The following CD44 variants were observed in gnomAD, a reference collection of about 807,000 sequenced individuals.
CD44 encodes CD44 molecule (IN blood group).
Under a neutral mutation model 88.8 loss-of-function variants are expected in CD44, and 49 were observed. The observed-to-expected ratio is 0.55, with a 90% CI of 0.44 to 0.70. CD44 has a LOEUF of 0.70. Ranked by LOEUF, CD44 falls within the 30% of genes least tolerant of loss-of-function variation. The probability of loss-of-function intolerance (pLI) is 0.00; values close to 1 mark genes in which losing one functional copy is unlikely to be tolerated. For missense variants in CD44, 883 were observed against 913.8 expected (o/e 0.97, Z 0.43); for synonymous variants, 325 against 312.3 (o/e 1.04, Z -0.43).
intron 16 of CD44, among the ~76,000 whole-genome samples, chr11:35,221,120 T>C (rs912751107): frequency 1.3e-5 from 2 of 152,360 alleles, no homozygotes; most frequent in African/African-American, 4.8e-5. Context: ...ACACGGTGTT[T>C]AGCAAACATT....
At chr11:35,181,945 A>T (rs867079220) in intron 3 of CD44, among the ~76,000 whole-genome samples, 39 of 76,974 alleles carry the variant, frequency 5.1e-4, no homozygotes, top group African/African-American at 1.2e-3. Flanking sequence ...AATTATATAT[A>T]ATATATATAA....
intron 1 of CD44, among the ~76,000 whole-genome samples, chr11:35,160,995 A>G (rs11033012): frequency 0.068 from 10,356 of 152,204 alleles, 404 homozygotes; most frequent in African/African-American, 0.11. Context: ...GAGCCCATGT[A>G]TTGGATAATT....
At chr11:35,223,015 A>C in intron 17 of CD44, 3 of 985,408 alleles carry the variant, frequency 3.0e-6, no homozygotes, top group Non-Finnish European at 3.6e-6. Context: ...AGAAAATCAA[A>C]TGATGCTGTT....
intron 13 of CD44, chr11:35,210,465 T>C (rs1200902786): frequency 6.6e-6 from 1 of 152,560 alleles, no homozygotes; most frequent in African/African-American, 2.4e-5. Flanking sequence ...TGTTGTATCT[T>C]TGTTCTTATT....
chr11:35,191,060 A>G lies in CD44; in HGVS notation c.667+995A>G, dbSNP rs1021402026. On this transcript the variant is annotated intron_variant, in intron 5 of 17. Transcript: ENST00000428726. ...CCTGTGGAGGATTAATCAAACTCAA[A>G]TAGGGCATCTGCCTCTGGAGCGGTT... 2.0e-5 allele frequency among the ~76,000 whole-genome samples: 3 copies of G among 152,320 alleles called. 1 individual carries two copies. Among genetic ancestry groups the G allele is most frequent in the South Asian group, 4.1e-4 (2 of 4,828 alleles).
At chr11:35,185,312 C>T (rs1193791927) in intron 3 of CD44, among the ~76,000 whole-genome samples, 1 of 152,118 alleles carries the variant, frequency 6.6e-6, no homozygotes, top group Non-Finnish European at 1.5e-5. Context: ...TTTCCTAAAA[C>T]TTTCTGTTTT....
At position 35,186,405 on chromosome 11, in the gene CD44, C is replaced by T. The variant is rs192450355; in HGVS notation, c.368-427C>T. On this transcript the variant is annotated intron_variant, in intron 3 of 17. Coordinates refer to ENST00000428726, the MANE Select transcript of CD44 (RefSeq NM_000610.4). ...CTTCCCAGATTATAAATGATTTTCT[C>T]ATGATAGTTCATACTTTACTTTTAA... is the stretch of plus-strand genomic sequence containing the variant. Among the ~76,000 whole-genome samples the T allele has an allele frequency of 4.1e-4, 63 of 152,272 alleles. 1 individual carries two copies. In the East Asian group the frequency reaches 8.5e-3, roughly 20 times the overall value.
intron 15 of CD44, among the ~76,000 whole-genome samples, chr11:35,215,762 C>T (rs1948782097): frequency 6.6e-6 from 1 of 151,780 alleles, no homozygotes; most frequent in Admixed American, 6.6e-5. Flanking sequence ...ATCCCAGCTA[C>T]TCAGGAGGCT....
chr11:35,214,757 T>C (rs1948683412), intron 14 of CD44, 95 bp from the exon 15 acceptor site: 1 of 623,362 alleles, frequency 1.6e-6, no homozygotes, highest in African/African-American at 1.9e-5. Flanking sequence ...GACTAAACTT[T>C]GTGATAGGCT....
chr11:35,199,178 A>G (rs146469173), intron 7 of CD44, among the ~76,000 whole-genome samples: 110 of 152,340 alleles, frequency 7.2e-4, no homozygotes, highest in African/African-American at 2.4e-3. Context: ...TTAGCAAGAC[A>G]TTGCCACTTA....
At chr11:35,206,500 G>T (rs1253488221) in intron 11 of CD44, among the ~76,000 whole-genome samples, 1 of 152,086 alleles carries the variant, frequency 6.6e-6, no homozygotes, top group Non-Finnish European at 1.5e-5. Flanking sequence ...TCTGTGTGAG[G>T]CAGTAAGTAA....
intron 5 of CD44, among the ~76,000 whole-genome samples, chr11:35,192,889 C>T (rs1461812021): frequency 6.6e-6 from 1 of 151,342 alleles, no homozygotes; most frequent in African/African-American, 2.4e-5. Context: ...ATTTTTCCCC[C>T]TCATACCACT....
chr11:35,151,868 C>T (rs566837473), intron 1 of CD44, among the ~76,000 whole-genome samples: 200 of 152,338 alleles, frequency 1.3e-3, no homozygotes, highest in Middle Eastern at 3.4e-3. Flanking sequence ...CCCATTCTGT[C>T]TTCCCATTTA....
rs535373470 is a variant in CD44 at position 35,167,434 on chromosome 11, A to G, written c.68-9141A>G. ...AAAATAGATAATCCAATTAACAATA[A>G]TGCTTTAAAACAACAAAACCTTGTC... On this transcript the variant is annotated intron_variant, in intron 1 of 17. Transcript: ENST00000428726. 3.9e-5 allele frequency among the ~76,000 whole-genome samples: 6 copies of G among 152,322 alleles called. No individual in the cohort carries two copies. In the East Asian group the frequency reaches 7.7e-4, roughly 20 times the overall value.
chr11:35,214,877 T>C lies in CD44; in HGVS notation c.1836T>C (p.Ser612=). 6.4e-7 allele frequency: 1 copy of C among 1,559,214 alleles called. No homozygotes were observed. The highest frequency in any genetic ancestry group is 8.7e-7 in the Non-Finnish European group (1 of 1,152,686). ...LSGDQDTFHP[S]GGSHTTHGSE... ...GAGACCAAGACACATTCCACCCCAG[T>C]GGGGGGTCCCATACCACTCATGGAT... The change falls in exon 15 of 18, where the codon AGT becomes AGC. Residue 612 remains serine, a synonymous_variant. Transcript: ENST00000428726.
At chr11:35,155,030 A>T (rs1434292710) in intron 1 of CD44, among the ~76,000 whole-genome samples, 2 of 152,222 alleles carry the variant, frequency 1.3e-5, no homozygotes, top group African/African-American at 4.8e-5. Flanking sequence ...AAAAAAATCA[A>T]TATTTAGCAG....
chr11:35,149,880 G>T (rs1407549432), intron 1 of CD44, among the ~76,000 whole-genome samples: 29 of 152,240 alleles, frequency 1.9e-4, no homozygotes. Flanking sequence ...ATGGGCAAGA[G>T]TGTTGTAGGG....
At chr11:35,190,349 C>T (rs1481300554) in intron 5 of CD44, 1 of 496,908 alleles carries the variant, frequency 2.0e-6, no homozygotes, top group Non-Finnish European at 3.6e-6. Context: ...ATTCTCTTAT[C>T]CCCAGGTATA....
chr11:35,152,801 A>G (rs1230612279), intron 1 of CD44, among the ~76,000 whole-genome samples: 3 of 152,124 alleles, frequency 2.0e-5, no homozygotes, highest in Non-Finnish European at 1.5e-5. Context: ...TTGCAAATGC[A>G]TTCAGCCTGC....
Sources: allele counts gnomAD v4.1 joint callset (sites outside exome capture counted in the v4.1 genomes callset), GRCh38; gene constraint gnomAD v4.1.1; transcripts MANE v1.5; gene names NCBI Gene and HGNC (gene_info 2026-07-23, HGNC 2026-07-21).